MAGI3: variants seen among roughly 807,000 people sequenced by gnomAD.
MAGI3 encodes the protein membrane-associated guanylate kinase, WW and PDZ domain-containing protein 3.
MAGI3 carries 43 observed loss-of-function variants against 121.8 expected under a neutral mutation model. The ratio of observed to expected loss-of-function variants is 0.35; its 90% confidence interval spans 0.28 to 0.46. MAGI3 has a LOEUF of 0.46. MAGI3 is among the 20% of genes least tolerant of loss of function. The pLI is 1.00. For synonymous variants in MAGI3, 553 were observed against 639.3 expected (o/e 0.86, Z 2.04); for missense variants, 1,547 against 1,797.3 (o/e 0.86, Z 2.52).
At chr1:113,561,997 A>C (rs1660255594) in intron 2 of MAGI3, among the ~76,000 whole-genome samples, 1 of 152,230 alleles carries the variant, frequency 6.6e-6, no homozygotes, top group Non-Finnish European at 1.5e-5. Context: ...CAAAATCCAG[A>C]ATGAACTCCC....
chr1:113,608,873 C>T (rs957941289), intron 6 of MAGI3, among the ~76,000 whole-genome samples: 2 of 152,108 alleles, frequency 1.3e-5, no homozygotes, highest in African/African-American at 4.8e-5. Flanking sequence ...TTTCCTGTTG[C>T]CCCAACATAA....
chr1:113,658,715 A>G lies in MAGI3; in HGVS notation c.2630-365A>G, dbSNP rs1349996119. Among the ~76,000 whole-genome samples, 1 of 152,210 alleles carries G rather than the reference A, an allele frequency of 6.6e-6. No homozygotes were observed. The highest frequency in any genetic ancestry group is 1.5e-5 in the Non-Finnish European group (1 of 68,016). On this transcript the variant is annotated intron_variant, in intron 15 of 20. Transcript: ENST00000307546. This position sits in a 1 kb window ranked among gnomAD's most constrained non-coding sequence, Gnocchi z 4.0. ...TAGCTAAAAACTTGTTGCAGCTTAA[A>G]TGGCCAACAATAAACAATGAGACAT...
intron 1 of MAGI3, among the ~76,000 whole-genome samples, chr1:113,437,874 T>TCTC (rs1557757163): frequency 6.1e-4 from 18 of 29,388 alleles, no homozygotes; most frequent in East Asian, 3.0e-3. Flanking sequence ...CTCTTCTTCT[T>TCTC]CTTCTCCTTC....
chr1:113,627,540 T>C (rs971513142), intron 9 of MAGI3, among the ~76,000 whole-genome samples: 4 of 149,976 alleles, frequency 2.7e-5, no homozygotes, highest in African/African-American at 9.7e-5. Context: ...CTGCTATTAT[T>C]GTATTGAGGT....
chr1:113,528,839 A>G (rs1294165789), intron 1 of MAGI3, among the ~76,000 whole-genome samples: 1 of 152,206 alleles, frequency 6.6e-6, no homozygotes, highest in East Asian at 1.9e-4. Context: ...GTGAGGTTCA[A>G]TATTTTTAAT....
At chr1:113,465,395 G>C (rs1383877507) in intron 1 of MAGI3, among the ~76,000 whole-genome samples, 6 of 152,022 alleles carry the variant, frequency 3.9e-5, no homozygotes, top group Non-Finnish European at 7.4e-5. Context: ...ATGCTGATTT[G>C]GTTACTATAG....
intron 1 of MAGI3, among the ~76,000 whole-genome samples, chr1:113,537,940 A>C (rs1277361740): frequency 6.6e-6 from 1 of 152,196 alleles, no homozygotes. Flanking sequence ...TTGTTTGTTG[A>C]ATGTATGTTG....
intron 2 of MAGI3, among the ~76,000 whole-genome samples, chr1:113,560,386 C>CA (rs1322044977): frequency 1.4e-5 from 2 of 147,912 alleles, no homozygotes; most frequent in East Asian, 2.0e-4. Context: ...AAAAAACAAA[C>CA]AAAAAAACAA....
chr1:113,591,684 G>A (rs995175922), intron 5 of MAGI3, among the ~76,000 whole-genome samples: 1 of 152,106 alleles, frequency 6.6e-6, no homozygotes, highest in Admixed American at 6.5e-5. Context: ...GTACAACCAG[G>A]TGGTATATTC....
At chr1:113,503,309 GAAAAAAAAAAA>G (rs59331456) in intron 1 of MAGI3, among the ~76,000 whole-genome samples, 4 of 36,128 alleles carry the variant, frequency 1.1e-4, no homozygotes, top group Non-Finnish European at 2.0e-4. Flanking sequence ...CCTGTCTCAG[GAAAAAAAAAAA>G]AAAAAAAAAA....
intron 2 of MAGI3, among the ~76,000 whole-genome samples, chr1:113,578,435 G>T (rs1222758719): frequency 6.6e-6 from 1 of 151,756 alleles, no homozygotes; most frequent in African/African-American, 2.4e-5. Context: ...TAAGAGACAG[G>T]ATCTCACTCT....
intron 2 of MAGI3, among the ~76,000 whole-genome samples, chr1:113,573,775 T>C (rs1647451410): frequency 6.6e-6 from 1 of 152,196 alleles, no homozygotes; most frequent in African/African-American, 2.4e-5. Flanking sequence ...TTGATTTGCC[T>C]AATATTGACA....
At chr1:113,625,885 T>G (rs1424453512) in intron 9 of MAGI3, among the ~76,000 whole-genome samples, 1 of 152,216 alleles carries the variant, frequency 6.6e-6, no homozygotes, top group Non-Finnish European at 1.5e-5. Flanking sequence ...ACCAGTTTTT[T>G]TAGGGTTTTA....
intron 1 of MAGI3, among the ~76,000 whole-genome samples, chr1:113,525,078 C>G (rs1658389648): frequency 6.6e-6 from 1 of 152,148 alleles, no homozygotes; most frequent in Non-Finnish European, 1.5e-5. Context: ...CACCTTCCAC[C>G]ATGATTGTGA....
intron 1 of MAGI3, among the ~76,000 whole-genome samples, chr1:113,491,261 G>A (rs1304541691): frequency 6.6e-6 from 1 of 152,120 alleles, no homozygotes; most frequent in Non-Finnish European, 1.5e-5. Context: ...TGGATAACCT[G>A]CTCCTGAATA....
At chr1:113,392,679 G>A (rs1650890179) in intron 1 of MAGI3, among the ~76,000 whole-genome samples, 1 of 152,160 alleles carries the variant, frequency 6.6e-6, no homozygotes, top group Non-Finnish European at 1.5e-5. Flanking sequence ...GGTTTATGTG[G>A]TGAGGTTTTC....
chr1:113,610,037 A>C (rs576776843), intron 6 of MAGI3, among the ~76,000 whole-genome samples: 2 of 152,094 alleles, frequency 1.3e-5, no homozygotes, highest in East Asian at 3.9e-4. Flanking sequence ...TTTGCCTCCT[A>C]CCTTTTCAGG....
chr1:113,524,133 C>T (rs1658338422), intron 1 of MAGI3, among the ~76,000 whole-genome samples: 1 of 152,152 alleles, frequency 6.6e-6, no homozygotes, highest in South Asian at 2.1e-4. Flanking sequence ...ATTTGGAAAC[C>T]TCTGCCTAGA....
chr1:113,438,979 T>G (rs900638408), intron 1 of MAGI3, among the ~76,000 whole-genome samples: 29 of 152,236 alleles, frequency 1.9e-4, no homozygotes, highest in Non-Finnish European at 1.5e-5. Context: ...GAGGAAGTGC[T>G]TTATGGCTTC....
Sources: gnomAD v4.1 joint callset for allele counts (sites outside exome capture counted in the v4.1 genomes callset) on GRCh38, gnomAD v4.1.1 for gene constraint, Gnocchi (gnomAD v3.1) non-coding constraint, MANE v1.5 for transcripts, NCBI Gene and HGNC (gene_info 2026-07-23, HGNC 2026-07-21) for gene names.